ZEB1: variants seen among roughly 807,000 people sequenced by gnomAD.
ZEB1 encodes the protein zinc finger E-box binding homeobox 1.
ZEB1 carries 21 observed loss-of-function variants against 84.9 expected under a neutral mutation model. The ratio of observed to expected loss-of-function variants is 0.25; its 90% CI spans 0.18 to 0.36. The LOEUF (loss-of-function observed/expected upper bound fraction) is 0.36. Ranked by LOEUF, ZEB1 falls within the 10% of genes least tolerant of loss-of-function variation. The probability of loss-of-function intolerance (pLI) is 1.00; values close to 1 mark genes in which losing one functional copy is unlikely to be tolerated. For synonymous variants in ZEB1, 420 were observed against 471.1 expected (o/e 0.89, Z 1.41); for missense variants, 1,104 against 1,330.2 (o/e 0.83, Z 2.65).
At position 31,520,658 on chromosome 10, in the gene ZEB1, A is replaced by C; in HGVS notation, c.1326A>C (p.Gln442His). ...NNQANLASKE[Q>H]ETINASPIQQ... ...AAGCCAATCTTGCATCCAAAGAACA[A>C]GAAACAATCAATGCTTCACCCATAC... Residue 442 changes from glutamine to histidine, a missense_variant, in exon 7 of 9, where the codon CAA (glutamine) becomes CAC (histidine). By Grantham distance (24) the Gln-to-His change is conservative. Coordinates refer to ENST00000424869, the MANE Select transcript of ZEB1 (RefSeq NM_001174096.2). This position sits in a 1 kb window ranked among gnomAD's most constrained non-coding sequence, Gnocchi z 5.1. 1 of 1,614,112 alleles carries C rather than the reference A, an allele frequency of 6.2e-7. No individual in the cohort carries two copies. Among genetic ancestry groups the C allele is most frequent in the African/African-American group, 1.3e-5 (1 of 75,068 alleles).
At chr10:31,357,803 G>T (rs1324119305) in intron 1 of ZEB1, among the ~76,000 whole-genome samples, 1 of 151,924 alleles carries the variant, frequency 6.6e-6, no homozygotes, top group Admixed American at 6.5e-5. Context: ...GATTAGTTAC[G>T]CCAGTGGCTC....
rs189129567 is a variant in ZEB1, at chr10:31,449,367, C to T, written c.59-11670C>T. 4.8e-3 allele frequency among the ~76,000 whole-genome samples: 728 copies of T among 152,360 alleles called. 6 individuals are homozygous for T. The highest frequency in any genetic ancestry group is 0.015 in the African/African-American group (634 of 41,582). On this transcript the variant is annotated intron_variant, in intron 1 of 8. Coordinates refer to ENST00000424869, the MANE Select transcript of ZEB1 (RefSeq NM_001174096.2). ...CTCAGATGGAAATGCAGAAATCACC[C>T]GTCTTCTGCGTCGCTCACGCTGGGA...
At chr10:31,336,692 G>C (rs1304141630) in intron 1 of ZEB1, among the ~76,000 whole-genome samples, 1 of 152,070 alleles carries the variant, frequency 6.6e-6, no homozygotes, top group East Asian at 1.9e-4. Flanking sequence ...CTTCACAAAA[G>C]AATAAACTCG....
chr10:31,516,777 A>C (rs1392548238), intron 6 of ZEB1, among the ~76,000 whole-genome samples: 1 of 152,030 alleles, frequency 6.6e-6, no homozygotes, highest in African/African-American at 2.4e-5. Context: ...GTCATAGTTC[A>C]CCAAAGTGCT....
chr10:31,503,393 C>T (rs369192739), intron 4 of ZEB1, among the ~76,000 whole-genome samples: 14 of 152,152 alleles, frequency 9.2e-5, no homozygotes, highest in Admixed American at 2.0e-4. Context: ...GTCATATCAG[C>T]GACATTTGTT....
chr10:31,388,151 G>A (rs1044138099), intron 1 of ZEB1, among the ~76,000 whole-genome samples: 2 of 152,106 alleles, frequency 1.3e-5, no homozygotes. Context: ...ATTAATATTA[G>A]GATTAGGTCA....
chr10:31,457,812 C>CAT, intron 1 of ZEB1, among the ~76,000 whole-genome samples: 1 of 152,156 alleles, frequency 6.6e-6, no homozygotes, highest in Non-Finnish European at 1.5e-5. Context: ...AACCAGAATG[C>CAT]ATATATGTCT....
intron 1 of ZEB1, among the ~76,000 whole-genome samples, chr10:31,401,912 A>C (rs1481878084): frequency 6.6e-6 from 1 of 152,126 alleles, no homozygotes; most frequent in Non-Finnish European, 1.5e-5. Context: ...CACAGAGACA[A>C]GAAAAAATGG....
chr10:31,372,279 T>C (rs925741195), intron 1 of ZEB1, among the ~76,000 whole-genome samples: 13 of 152,224 alleles, frequency 8.5e-5, no homozygotes, highest in South Asian at 4.1e-4. Flanking sequence ...GGCCAACTTA[T>C]AGCTGAGCAC....
chr10:31,510,799 C>G lies in ZEB1; in HGVS notation c.611C>G (p.Ser204Cys). 1 of 1,613,910 alleles carries G rather than the reference C, an allele frequency of 6.2e-7. No homozygotes were observed. The highest frequency in any genetic ancestry group is 8.5e-7 in the Non-Finnish European group (1 of 1,179,916). The change falls in exon 5 of 9, where the codon TCC becomes TGC. Residue 204 changes from serine to cysteine, a missense_variant. Coordinates refer to ENST00000424869, the MANE Select transcript of ZEB1 (RefSeq NM_001174096.2). ...HEKNEDNFSC[S>C]LCSYTFAYRT... The stretch of plus-strand genomic sequence containing the variant: ...AAGAATGAAGATAACTTTAGTTGCT[C>G]CCTGTGCAGTTACACCTTTGCATAC...
Position 31,524,131 on chromosome 10 carries a change from A to G in ZEB1, c.2785+18A>G. 3 of 1,611,304 alleles carry G rather than the reference A, an allele frequency of 1.9e-6. No homozygotes were observed. Among genetic ancestry groups the G allele is most frequent in the Non-Finnish European group, 2.5e-6 (3 of 1,177,832 alleles). ...ACACACAGGTATGTCAGTGAACACA[A>G]ACATAAAGTGTCCATGATATGATAT... On this transcript the variant is annotated intron_variant, in intron 8 of 8. Transcript: ENST00000424869.
chr10:31,365,008 C>T (rs2044191299), intron 1 of ZEB1, among the ~76,000 whole-genome samples: 1 of 152,216 alleles, frequency 6.6e-6, no homozygotes, highest in Non-Finnish European at 1.5e-5. Flanking sequence ...TCCCACATTG[C>T]TCTTCTAATG....
At chr10:31,498,208 C>CATTTTAAATTTTAAAATTTAAAAT (rs2067559886) in intron 3 of ZEB1, among the ~76,000 whole-genome samples, 1 of 152,000 alleles carries the variant, frequency 6.6e-6, no homozygotes, top group Non-Finnish European at 1.5e-5. Flanking sequence ...TTTCCCAACA[C>CATTTTAAATTTTAAAATTTAAAAT]TTTAAATTTT....
intron 1 of ZEB1, among the ~76,000 whole-genome samples, chr10:31,384,382 C>T (rs1035790788): frequency 6.6e-6 from 1 of 152,158 alleles, no homozygotes; most frequent in Non-Finnish European, 1.5e-5. Context: ...GAAACTCTTA[C>T]AGCCATGTGA....
intron 1 of ZEB1, among the ~76,000 whole-genome samples, chr10:31,442,183 T>A (rs1057399283): frequency 3.3e-5 from 5 of 151,908 alleles, no homozygotes; most frequent in African/African-American, 9.7e-5. Context: ...GATAGACTGG[T>A]TTAAGAAAAG....
chr10:31,427,320 C>T (rs989824052), intron 1 of ZEB1, among the ~76,000 whole-genome samples: 1 of 152,024 alleles, frequency 6.6e-6, no homozygotes, highest in Non-Finnish European at 1.5e-5. Context: ...ATATTCTTAG[C>T]CATAATTTGT....
intron 1 of ZEB1, among the ~76,000 whole-genome samples, chr10:31,436,968 G>C (rs2058366117): frequency 1.3e-5 from 2 of 152,002 alleles, no homozygotes; most frequent in African/African-American, 2.4e-5. Context: ...TTATTTTCTG[G>C]AATAAGTTAT....
At chr10:31,332,032 TAAG>T (rs2036904203) in intron 1 of ZEB1, among the ~76,000 whole-genome samples, 1 of 152,202 alleles carries the variant, frequency 6.6e-6, no homozygotes, top group Non-Finnish European at 1.5e-5. Flanking sequence ...ATTAAAAATT[TAAG>T]AATATATATG....
chr10:31,383,589 T>G (rs1205496994), intron 1 of ZEB1, among the ~76,000 whole-genome samples: 3 of 152,208 alleles, frequency 2.0e-5, no homozygotes, highest in African/African-American at 7.2e-5. Flanking sequence ...AATGTAACAC[T>G]TCAGCATTGT....
Sources: gnomAD v4.1 joint callset for allele counts (sites outside exome capture counted in the v4.1 genomes callset) on GRCh38, gnomAD v4.1.1 for gene constraint, Gnocchi (gnomAD v3.1) non-coding constraint, MANE v1.5 for transcripts, NCBI Gene and HGNC (gene_info 2026-07-23, HGNC 2026-07-21) for gene names.